Variants in GRID1 observed in about 807,000 individuals in gnomAD.
GRID1 encodes glutamate receptor ionotropic, delta-1.
Under a neutral mutation model 98.0 loss-of-function variants are expected in GRID1, and 28 were observed. That is an observed-to-expected ratio of 0.29 (90% CI 0.21 to 0.39). The LOEUF (loss-of-function observed/expected upper bound fraction) is 0.39. Ranked by LOEUF, GRID1 falls within the 10% of genes least tolerant of loss-of-function variation. The pLI is 1.00. For synonymous variants in GRID1, 553 were observed against 538.5 expected, an observed-to-expected ratio of 1.03 and a Z score of -0.37; for missense variants, 1,111 against 1,340.5, an observed-to-expected ratio of 0.83 and a Z score of 2.67.
intron 4 of GRID1, among the ~76,000 whole-genome samples, chr10:86,122,464 C>T (rs565895456): frequency 6.6e-6 from 1 of 152,340 alleles, no homozygotes; most frequent in South Asian, 2.1e-4. Flanking sequence ...GGCATGGCCC[C>T]TTATGCGTAG....
At chr10:85,631,692 T>C (rs1161657082) in intron 13 of GRID1, among the ~76,000 whole-genome samples, 1 of 152,178 alleles carries the variant, frequency 6.6e-6, no homozygotes, top group East Asian at 1.9e-4. Flanking sequence ...CAATGATTTG[T>C]CAAAATTTTA....
At chr10:85,668,566 G>A (rs1290295787) in intron 12 of GRID1, among the ~76,000 whole-genome samples, 5 of 152,178 alleles carry the variant, frequency 3.3e-5, no homozygotes, top group Non-Finnish European at 7.3e-5. Flanking sequence ...GTCAGAGTGG[G>A]AGGCAAGTTT....
At chr10:85,978,193 C>A (rs1328185365) in intron 4 of GRID1, among the ~76,000 whole-genome samples, 2 of 152,122 alleles carry the variant, frequency 1.3e-5, no homozygotes, top group Non-Finnish European at 2.9e-5. Flanking sequence ...TTTTTTAAAT[C>A]CCCCAAAGCC....
At position 85,790,059 on chromosome 10, in the gene GRID1, C is replaced by A. The variant is rs377650639; in HGVS notation, c.1234-60445G>T. On this transcript the variant is annotated intron_variant, in intron 8 of 15. Transcript: ENST00000327946. ...ATTTACTTTGTCTGGAAGCTTTTCC[C>A]AGTGGGCAATTCATCCTCCTCCAGC... is the stretch of plus-strand genomic sequence containing the variant. 5.3e-5 allele frequency among the ~76,000 whole-genome samples: 8 copies of A among 152,282 alleles called. No homozygotes were observed. The South Asian group carries it at 1.2e-3, about 24-fold the overall frequency.
At chr10:86,015,452 G>C (rs1009254486) in intron 4 of GRID1, among the ~76,000 whole-genome samples, 1 of 152,216 alleles carries the variant, frequency 6.6e-6, no homozygotes, top group East Asian at 1.9e-4. Context: ...TATGGCAAAA[G>C]GTGGAAACAG....
intron 2 of GRID1, among the ~76,000 whole-genome samples, chr10:86,343,863 TG>T (rs1451860299): frequency 6.6e-6 from 1 of 152,238 alleles, no homozygotes; most frequent in Non-Finnish European, 1.5e-5. Flanking sequence ...CAGTCTGAAC[TG>T]GGGGAGAATG....
intron 3 of GRID1, among the ~76,000 whole-genome samples, chr10:86,157,077 A>C (rs1845255786): frequency 6.6e-6 from 1 of 152,208 alleles, no homozygotes; most frequent in African/African-American, 2.4e-5. Context: ...GCTTCCAAAC[A>C]GGACCTCTGG....
chr10:85,653,468 G>C (rs766151049), intron 12 of GRID1, among the ~76,000 whole-genome samples: 1 of 152,192 alleles, frequency 6.6e-6, no homozygotes, highest in African/African-American at 2.4e-5. Context: ...AGCTGAGACA[G>C]GGTGGCCAAG....
At chr10:85,791,995 G>A (rs1253190823) in intron 8 of GRID1, among the ~76,000 whole-genome samples, 1 of 152,008 alleles carries the variant, frequency 6.6e-6, no homozygotes, top group East Asian at 1.9e-4. Context: ...CAGGCAGGAG[G>A]CCAGGGAGCC....
At chr10:86,209,080 G>T (rs983562994) in intron 2 of GRID1, among the ~76,000 whole-genome samples, 1 of 152,112 alleles carries the variant, frequency 6.6e-6, no homozygotes, top group Non-Finnish European at 1.5e-5. Flanking sequence ...ATACAAAATT[G>T]TATGTATTTT....
At chr10:85,814,709 A>C (rs1004970419) in intron 8 of GRID1, among the ~76,000 whole-genome samples, 1 of 152,020 alleles carries the variant, frequency 6.6e-6, no homozygotes, top group African/African-American at 2.4e-5. Flanking sequence ...CTTGAAACAT[A>C]CAAACTACTA....
intron 2 of GRID1, among the ~76,000 whole-genome samples, chr10:86,253,142 G>A (rs1001387171): frequency 6.6e-6 from 1 of 152,242 alleles, no homozygotes; most frequent in Non-Finnish European, 1.5e-5. Flanking sequence ...TACATTTACT[G>A]TAGCTATAGA....
intron 2 of GRID1, among the ~76,000 whole-genome samples, chr10:86,353,599 C>A (rs541349874): frequency 1.2e-3 from 178 of 152,300 alleles, no homozygotes; most frequent in African/African-American, 3.7e-3. Flanking sequence ...GTAGATATGC[C>A]CTGAGCTGAG....
intron 4 of GRID1, among the ~76,000 whole-genome samples, chr10:86,100,044 C>A (rs1844273960): frequency 6.6e-6 from 1 of 152,152 alleles, no homozygotes; most frequent in African/African-American, 2.4e-5. Context: ...GTGGGGGCAG[C>A]ATAGCATGGG....
At chr10:85,972,587 A>G (rs1481374498) in intron 4 of GRID1, among the ~76,000 whole-genome samples, 1 of 151,850 alleles carries the variant, frequency 6.6e-6, no homozygotes, top group African/African-American at 2.4e-5. Context: ...GTGCCTTTGC[A>G]ATCATCATGT....
intron 4 of GRID1, among the ~76,000 whole-genome samples, chr10:85,966,192 A>C (rs894264554): frequency 6.6e-6 from 1 of 152,222 alleles, no homozygotes; most frequent in African/African-American, 2.4e-5. Flanking sequence ...AACAATTAGA[A>C]GCAATTGTTT....
intron 12 of GRID1, among the ~76,000 whole-genome samples, chr10:85,663,049 C>T (rs1564552025): frequency 2.6e-5 from 4 of 152,322 alleles, no homozygotes; most frequent in African/African-American, 9.6e-5. Context: ...CAACTCCTCA[C>T]ATTCCACATC....
intron 4 of GRID1, among the ~76,000 whole-genome samples, chr10:85,923,525 T>G (rs1022381712): frequency 6.6e-6 from 1 of 151,984 alleles, no homozygotes; most frequent in Non-Finnish European, 1.5e-5. Context: ...ACAGAACACC[T>G]CATCCAGCCC....
chr10:85,865,904 CAT>C (rs1467791476), intron 6 of GRID1, among the ~76,000 whole-genome samples: 4 of 52,410 alleles, frequency 7.6e-5, no homozygotes, highest in Non-Finnish European at 1.4e-4. Flanking sequence ...AAGTGTTTTA[CAT>C]ATATACATAT....
Sources: gnomAD v4.1 joint callset for allele counts (sites outside exome capture counted in the v4.1 genomes callset) on GRCh38, gnomAD v4.1.1 for gene constraint, MANE v1.5 for transcripts, NCBI Gene and HGNC (gene_info 2026-07-23, HGNC 2026-07-21) for gene names.